ADCY9: variants seen among roughly 807,000 people sequenced by gnomAD.
The protein encoded by ADCY9 is adenylate cyclase 9.
A neutral mutation model predicts 101.5 loss-of-function variants in ADCY9; 50 were observed. That is an observed-to-expected ratio of 0.49 (90% CI 0.39 to 0.62). The LOEUF (loss-of-function observed/expected upper bound fraction) is 0.62. ADCY9 is among the 20% of genes least tolerant of loss of function. The pLI, the probability that ADCY9 is intolerant of heterozygous loss-of-function variation, is 0.00. For synonymous variants in ADCY9, 905 were observed against 769.3 expected (o/e 1.18, Z -2.92); for missense variants, 1,662 against 1,800.4 (o/e 0.92, Z 1.39).
chr16:3,997,317 G>T (rs1231785762), intron 3 of ADCY9, among the ~76,000 whole-genome samples: 4 of 152,246 alleles, frequency 2.6e-5, no homozygotes, highest in African/African-American at 9.6e-5. Flanking sequence ...GAGGACAGGG[G>T]GCTCCATGCC....
Position 4,025,345 on chromosome 16 carries a change from A to G in ADCY9, c.1694-17787T>C, listed in dbSNP as rs151043277. 4.1e-3 allele frequency among the ~76,000 whole-genome samples: 613 copies of G among 148,562 alleles called. 6 individuals carry two copies. The highest frequency in any genetic ancestry group is 0.014 in the African/African-American group (577 of 40,336). On this transcript the variant is annotated intron_variant, in intron 2 of 10. Coordinates refer to ENST00000294016, the MANE Select transcript of ADCY9 (RefSeq NM_001116.4). Reference sequence around the variant, plus strand: ...GCGGACATTGGTGCCACTGCACTCCAGCCAGGGCAACAGAGCAAGACTCTG... The same window carrying G: ...GCGGACATTGGTGCCACTGCACTCCGGCCAGGGCAACAGAGCAAGACTCTG...
intron 10 of ADCY9, among the ~76,000 whole-genome samples, chr16:3,970,779 G>A (rs796349315): frequency 1.2e-4 from 18 of 152,344 alleles, no homozygotes; most frequent in African/African-American, 3.8e-4. Context: ...CAGAACCCCT[G>A]GGCCCCATCC....
Position 4,115,427 on chromosome 16 carries a change from G to A in ADCY9, c.16C>T (p.His6Tyr). The A allele has an allele frequency of 6.4e-7, 1 of 1,559,126 alleles. No homozygotes were observed. Among genetic ancestry groups the A allele is most frequent in the Non-Finnish European group, 8.7e-7 (1 of 1,152,194 alleles). MASPP[H>Y]QQLLHHHSTE... ...CTGTGGTGATGCAGCAGCTGCTGGT[G>A]GGGTGGGGAAGCCATGTTGTCGAGT... is the stretch of plus-strand genomic sequence containing the variant. Residue 6 changes from histidine (H) to tyrosine (Y), a missense_variant, in exon 2 of 11, where the codon CAC becomes TAC. His to Tyr is a moderately conservative substitution (Grantham distance 83). Transcript: ENST00000294016. The surrounding 1 kb of genome is among the most constrained non-coding windows in gnomAD (Gnocchi z 6.2).
chr16:4,031,812 G>A (rs1461873917), intron 2 of ADCY9, among the ~76,000 whole-genome samples: 3 of 151,994 alleles, frequency 2.0e-5, no homozygotes, highest in African/African-American at 7.3e-5. Context: ...GGGAGGTCGA[G>A]GCAGAGGTGA....
intron 4 of ADCY9, 62 bp downstream of exon 4, chr16:3,993,344 G>A: frequency 6.3e-7 from 1 of 1,595,964 alleles, no homozygotes; most frequent in Non-Finnish European, 8.6e-7. Flanking sequence ...AGACAGGAAT[G>A]TCACCTTGGG....
intron 2 of ADCY9, among the ~76,000 whole-genome samples, chr16:4,092,624 T>A (rs1368790698): frequency 1.3e-5 from 2 of 152,174 alleles, no homozygotes; most frequent in Non-Finnish European, 2.9e-5. Context: ...AAGACACAAA[T>A]TTGATTCAAA....
intron 3 of ADCY9, among the ~76,000 whole-genome samples, chr16:3,994,112 G>T (rs1597152103): frequency 6.6e-6 from 1 of 152,134 alleles, no homozygotes; most frequent in East Asian, 1.9e-4. Context: ...GCCTTGGGAG[G>T]TAATTAGGTC....
chr16:4,054,186 T>C (rs928483007), intron 2 of ADCY9: 2 of 152,230 alleles, frequency 1.3e-5, no homozygotes, highest in African/African-American at 4.8e-5. Flanking sequence ...CAATATTTAC[T>C]GAGTGCATAC....
chr16:4,009,526 G>A (rs1296891021), intron 2 of ADCY9, among the ~76,000 whole-genome samples: 3 of 152,260 alleles, frequency 2.0e-5, no homozygotes, highest in Non-Finnish European at 4.4e-5. Context: ...CAAAGTGCTG[G>A]GATTGCAGGT....
chr16:4,009,343 C>G (rs1389901442), intron 2 of ADCY9, among the ~76,000 whole-genome samples: 1 of 152,216 alleles, frequency 6.6e-6, no homozygotes, highest in Non-Finnish European at 1.5e-5. Context: ...GCAACCATGG[C>G]TCCCTACAGC....
At chr16:4,017,655 A>AAAG (rs1196854024) in intron 2 of ADCY9, among the ~76,000 whole-genome samples, 4 of 152,006 alleles carry the variant, frequency 2.6e-5, no homozygotes, top group African/African-American at 9.7e-5. Flanking sequence ...AAAAAAAAAA[A>AAAG]AAAAAGATAA....
At chr16:4,008,329 GCCCCGGGA>G (rs922761626) in intron 2 of ADCY9, among the ~76,000 whole-genome samples, 1 of 152,150 alleles carries the variant, frequency 6.6e-6, no homozygotes, top group Admixed American at 6.5e-5. Flanking sequence ...GGTGGATCCT[GCCCCGGGA>G]ATCTGCTGGG....
intron 2 of ADCY9, among the ~76,000 whole-genome samples, chr16:4,025,174 C>A (rs1475129800): frequency 1.3e-5 from 2 of 152,004 alleles, no homozygotes; most frequent in Middle Eastern, 3.2e-3. Flanking sequence ...ACCAGCCTGG[C>A]TAACATGGTG....
intron 3 of ADCY9, 83 bp from the exon 4 acceptor site, chr16:3,993,593 C>G: frequency 6.5e-7 from 1 of 1,544,556 alleles, no homozygotes; most frequent in South Asian, 1.1e-5. Flanking sequence ...CTGTTGCCAT[C>G]TGCCGTCACG....
At chr16:4,076,805 GGTGGCTCACGCC>G (rs1177568573) in intron 2 of ADCY9, among the ~76,000 whole-genome samples, 2 of 152,104 alleles carry the variant, frequency 1.3e-5, no homozygotes, top group Non-Finnish European at 2.9e-5. Context: ...GGCTGGGGGC[GGTGGCTCACGCC>G]TGTAATCCCA....
intron 2 of ADCY9, among the ~76,000 whole-genome samples, chr16:4,065,979 C>G (rs887222318): frequency 3.9e-5 from 6 of 152,208 alleles, no homozygotes; most frequent in African/African-American, 1.4e-4. Context: ...GCTGGGATTA[C>G]AGGCGTGAGC....
chr16:4,050,465 G>C (rs1407760682), intron 2 of ADCY9, among the ~76,000 whole-genome samples: 1 of 152,114 alleles, frequency 6.6e-6, no homozygotes, highest in Non-Finnish European at 1.5e-5. Context: ...TGTAATCCCA[G>C]CACTCTGGGA....
At chr16:4,036,384 T>C (rs1006002860) in intron 2 of ADCY9, among the ~76,000 whole-genome samples, 4 of 151,806 alleles carry the variant, frequency 2.6e-5, no homozygotes, top group South Asian at 2.1e-4. Flanking sequence ...GGCATGTATA[T>C]AATGCGCAGT....
chr16:3,978,102 G>A (rs758259862), intron 8 of ADCY9, among the ~76,000 whole-genome samples: 3 of 152,112 alleles, frequency 2.0e-5, no homozygotes, highest in Non-Finnish European at 4.4e-5. Context: ...TTTTGCTAGT[G>A]GGCAGTGTCA....
Sources: allele counts gnomAD v4.1 joint callset (sites outside exome capture counted in the v4.1 genomes callset), GRCh38; gene constraint gnomAD v4.1.1; non-coding constraint Gnocchi (gnomAD v3.1); transcripts MANE v1.5; gene names NCBI Gene and HGNC (gene_info 2026-07-23, HGNC 2026-07-21).